ATRNL1: variants seen among roughly 807,000 people sequenced by gnomAD.
ATRNL1 encodes the protein attractin like 1.
Under a neutral mutation model 182.7 loss-of-function variants are expected in ATRNL1, and 95 were observed. The ratio of observed to expected loss-of-function variants is 0.52; its 90% confidence interval spans 0.44 to 0.62. The LOEUF (loss-of-function observed/expected upper bound fraction) is 0.62. Among genes scored for constraint, ATRNL1 ranks in the 20% least tolerant of loss-of-function variants. The pLI is 0.00. For missense variants in ATRNL1, 1,471 were observed against 1,679.5 expected (o/e 0.88, Z 2.17); for synonymous variants, 576 against 568.3 (o/e 1.01, Z -0.19).
At chr10:115,620,926 A>T (rs1033519052) in intron 26 of ATRNL1, among the ~76,000 whole-genome samples, 43 of 151,994 alleles carry the variant, frequency 2.8e-4, no homozygotes, top group African/African-American at 1.0e-3. Flanking sequence ...TTTCATAGAA[A>T]TTTTTTTCTA....
chr10:115,237,736 A>C (rs1366134936), intron 9 of ATRNL1, among the ~76,000 whole-genome samples: 1 of 152,160 alleles, frequency 6.6e-6, no homozygotes, highest in South Asian at 2.1e-4. Context: ...AATAGAGTCC[A>C]AATTATGACT....
In ATRNL1 at chr10:115,327,329, G is replaced by GA. The variant is rs547877054; in HGVS notation, c.3038-6947dup. Among the ~76,000 whole-genome samples, 321 of 140,894 alleles carry GA rather than the reference G, an allele frequency of 2.3e-3. 1 individual carries two copies. Among genetic ancestry groups the GA allele is most frequent in the Non-Finnish European group, 3.5e-3 (226 of 63,790 alleles). The allele number at this position is 140,894 out of a possible 152,430, so 92.4% of individuals were successfully genotyped here. A position where few individuals can be genotyped will look rare whatever the true frequency, so the allele number is the denominator to read the frequency against. ...ACATTTATGCAGCCAAAAAACACAT[G>GA]AAAAAATGCTCACCATCACTGACCA... On this transcript the variant is annotated intron_variant, in intron 18 of 28. Transcript: ENST00000355044.
intron 19 of ATRNL1, among the ~76,000 whole-genome samples, chr10:115,380,021 G>A (rs189736267): frequency 1.9e-3 from 289 of 152,124 alleles, no homozygotes; most frequent in African/African-American, 6.5e-3. Flanking sequence ...TAGTAGAGAC[G>A]GGGTTTCACC....
chr10:115,411,336 A>G (rs1394365025), intron 20 of ATRNL1, among the ~76,000 whole-genome samples: 2 of 151,698 alleles, frequency 1.3e-5, no homozygotes, highest in Non-Finnish European at 2.9e-5. Context: ...TTATAAATGT[A>G]GAATTATTTT....
chr10:115,675,323 C>A (rs1299751058), intron 26 of ATRNL1, among the ~76,000 whole-genome samples: 1 of 152,058 alleles, frequency 6.6e-6, no homozygotes, highest in Admixed American at 6.6e-5. Flanking sequence ...GATTGTGCGA[C>A]TGCACACTCC....
At chr10:115,267,040 A>G (rs1426366456) in intron 12 of ATRNL1, 35 bp downstream of exon 12, 3 of 1,422,392 alleles carry the variant, frequency 2.1e-6, no homozygotes, top group Non-Finnish European at 3.0e-6. Context: ...TTGTGGCAGC[A>G]AAATTTCTCT....
chr10:115,561,318 AAAAT>A (rs1361004517), intron 26 of ATRNL1, among the ~76,000 whole-genome samples: 1 of 152,200 alleles, frequency 6.6e-6, no homozygotes, highest in African/African-American at 2.4e-5. Context: ...TACCCACTTA[AAAAT>A]GTATAAAGAA....
intron 27 of ATRNL1, among the ~76,000 whole-genome samples, chr10:115,837,171 A>C (rs2907553): frequency 0.77 from 117,346 of 151,970 alleles, 45,409 homozygotes; most frequent in Admixed American, 0.83. Context: ...TTCACACAGT[A>C]AAATATTAGA....
At chr10:115,727,528 G>A (rs1296955059) in intron 27 of ATRNL1, among the ~76,000 whole-genome samples, 173 bp downstream of exon 27, 8 of 152,196 alleles carry the variant, frequency 5.3e-5, no homozygotes, top group Non-Finnish European at 8.8e-5. Context: ...AGTATGACAT[G>A]AGCTGTAACC....
intron 28 of ATRNL1, among the ~76,000 whole-genome samples, chr10:115,943,673 C>T (rs966895462): frequency 6.6e-6 from 1 of 151,166 alleles, no homozygotes; most frequent in African/African-American, 2.4e-5. Flanking sequence ...CAATCAGGCT[C>T]CTAGGTACTT....
intron 27 of ATRNL1, among the ~76,000 whole-genome samples, chr10:115,739,305 C>G (rs1299721527): frequency 6.6e-6 from 1 of 151,970 alleles, no homozygotes; most frequent in East Asian, 1.9e-4. Context: ...TATACAGCAT[C>G]CTTGCAAGTA....
intron 27 of ATRNL1, chr10:115,820,273 C>A (rs1194195167): frequency 2.6e-5 from 4 of 152,134 alleles, no homozygotes; most frequent in African/African-American, 9.7e-5. Flanking sequence ...TCATGCCCAT[C>A]AAGTTCCCTC....
In ATRNL1 at chr10:115,598,656, C is replaced by CTT. The variant is rs1856418206; in HGVS notation, c.3795+49120_3795+49121insTT. Among the ~76,000 whole-genome samples, 4 of 152,044 alleles carry CTT rather than the reference C, an allele frequency of 2.6e-5. No individual in the cohort carries two copies. The East Asian group carries it at 7.7e-4, about 29-fold the overall frequency. Reference sequence around the variant, plus strand: ...ATTATTTTTAAAATAATGAAAAACCCATTCCTATTATAATAAATAACATAT... The same window carrying CTT: ...ATTATTTTTAAAATAATGAAAAACCCTTATTCCTATTATAATAAATAACATAT... On this transcript the variant is annotated intron_variant, in intron 26 of 28. Coordinates refer to ENST00000355044, the MANE Select transcript of ATRNL1 (RefSeq NM_207303.4).
intron 5 of ATRNL1, among the ~76,000 whole-genome samples, chr10:115,144,459 A>G (rs113490433): frequency 0.013 from 1,946 of 151,690 alleles, 33 homozygotes; most frequent in African/African-American, 0.044. Context: ...TGCCCGGCCA[A>G]TTTTTTGTAT....
chr10:115,461,467 C>T (rs1554969656), intron 21 of ATRNL1, among the ~76,000 whole-genome samples: 1 of 151,908 alleles, frequency 6.6e-6, no homozygotes, highest in East Asian at 1.9e-4. Context: ...CAAATAAATA[C>T]ATTATATGAG....
chr10:115,583,046 A>G (rs1242694818), intron 26 of ATRNL1, among the ~76,000 whole-genome samples: 14 of 149,662 alleles, frequency 9.4e-5, no homozygotes, highest in African/African-American at 3.4e-4. Flanking sequence ...GTCAAAGATC[A>G]GATAGTTGTA....
intron 21 of ATRNL1, among the ~76,000 whole-genome samples, chr10:115,441,082 C>G (rs1361999786): frequency 6.6e-6 from 1 of 151,782 alleles, no homozygotes; most frequent in Non-Finnish European, 1.5e-5. Context: ...AAGAATAACT[C>G]TGTTCCTAAC....
intron 22 of ATRNL1, among the ~76,000 whole-genome samples, chr10:115,462,303 C>G (rs191095672): frequency 5.6e-4 from 85 of 152,142 alleles, no homozygotes; most frequent in African/African-American, 1.8e-3. Flanking sequence ...TATACAAGCA[C>G]GGACTGTTCT....
At chr10:115,420,037 C>T (rs998171337) in intron 20 of ATRNL1, among the ~76,000 whole-genome samples, 8 of 129,176 alleles carry the variant, frequency 6.2e-5, no homozygotes, top group African/African-American at 1.9e-4. Context: ...CATGTCTTAA[C>T]AATTTTTTTT....
Sources: gnomAD v4.1 joint callset for allele counts (sites outside exome capture counted in the v4.1 genomes callset) on GRCh38, gnomAD v4.1.1 for gene constraint, MANE v1.5 for transcripts, NCBI Gene and HGNC (gene_info 2026-07-23, HGNC 2026-07-21) for gene names.